PDE10A: variants seen among roughly 807,000 people sequenced by gnomAD.
The protein encoded by PDE10A is phosphodiesterase 10A, also known as cAMP and cAMP-inhibited cGMP 3',5'-cyclic phosphodiesterase 10A.
In PDE10A, 39 loss-of-function variants were observed where a neutral mutation model predicts 97.7. The ratio of observed to expected loss-of-function variants is 0.40; its 90% CI spans 0.31 to 0.52. The LOEUF (loss-of-function observed/expected upper bound fraction) is 0.52, where lower values mean the gene tolerates loss of function less well. Ranked by LOEUF, PDE10A falls within the 20% of genes least tolerant of loss-of-function variation. The pLI is 0.56. For synonymous variants in PDE10A, 371 were observed against 376.8 expected (o/e 0.98, Z 0.18); for missense variants, 731 against 1,047.8 (o/e 0.70, Z 4.17).
At chr6:165,544,198 C>T (rs550642915) in intron 1 of PDE10A, among the ~76,000 whole-genome samples, 1 of 152,122 alleles carries the variant, frequency 6.6e-6, no homozygotes, top group Admixed American at 6.5e-5. Flanking sequence ...TATTGCCTTA[C>T]AACACAAATC....
intron 1 of PDE10A, among the ~76,000 whole-genome samples, chr6:165,904,001 C>A (rs979014942): frequency 5.9e-5 from 9 of 152,056 alleles, no homozygotes; most frequent in Admixed American, 5.2e-4. Context: ...TGCAATGGGC[C>A]AAGGAGAGAA....
In PDE10A at chr6:165,329,835, T is replaced by A. The variant is rs908614258; in HGVS notation, c.*3190A>T. 1 of 152,198 alleles carries A rather than the reference T, an allele frequency of 6.6e-6. No individual in the cohort carries two copies. The highest frequency in any genetic ancestry group is 1.5e-5 in the Non-Finnish European group (1 of 68,036). 9.4% of individuals were successfully genotyped at this position (152,198 alleles called of 1,614,324 possible). A position where few individuals can be genotyped will look rare whatever the true frequency, so the allele number is the denominator to read the frequency against. ...TTGAAGAGTCAGGAATGGGAACGAT[T>A]GTGTCTAATATTTTGGTCTCTTTTG... On this transcript the variant is annotated 3_prime_UTR_variant, in exon 22 of 22. Transcript: ENST00000539869.
chr6:165,423,643 G>A (rs1230130912), intron 10 of PDE10A, among the ~76,000 whole-genome samples: 1 of 152,122 alleles, frequency 6.6e-6, no homozygotes, highest in Admixed American at 6.5e-5. Flanking sequence ...TGAGGTGGGT[G>A]GATCACGAGG....
chr6:165,364,432 C>T (rs757851486), intron 18 of PDE10A, among the ~76,000 whole-genome samples: 45 of 152,252 alleles, frequency 3.0e-4, no homozygotes, highest in Non-Finnish European at 5.1e-4. Context: ...AATACTCATA[C>T]CCCAAATATG....
At position 165,975,175 on chromosome 6, in the gene PDE10A, G is replaced by A. The variant is rs552734927; in HGVS notation, c.-615+12354C>T. Among the ~76,000 whole-genome samples the A allele has an allele frequency of 3.9e-5, 6 of 152,288 alleles. 1 individual carries two copies. The highest frequency in any genetic ancestry group is 9.6e-5 in the African/African-American group (4 of 41,570). On this transcript the variant is annotated intron_variant, in intron 1 of 19. Transcript: ENST00000366882. Reference sequence around the variant, plus strand: ...TTTCACTTAAGTTTATTCTCTTTGCGTGTTGCCACTTGCAACTGAGACTGA... The same window carrying A: ...TTTCACTTAAGTTTATTCTCTTTGCATGTTGCCACTTGCAACTGAGACTGA...
intron 2 of PDE10A, among the ~76,000 whole-genome samples, chr6:165,486,031 G>A (rs1324533465): frequency 6.6e-6 from 1 of 152,206 alleles, no homozygotes; most frequent in Non-Finnish European, 1.5e-5. Context: ...AAGGTGGCAG[G>A]TGTTCCTCTT....
intron 1 of PDE10A, among the ~76,000 whole-genome samples, chr6:165,630,041 C>G (rs887916449): frequency 6.6e-6 from 1 of 152,048 alleles, no homozygotes; most frequent in Non-Finnish European, 1.5e-5. Context: ...AAAATCTCAT[C>G]CACAATTAGA....
intron 1 of PDE10A, among the ~76,000 whole-genome samples, chr6:165,628,585 T>C (rs1788492306): frequency 6.9e-6 from 1 of 145,652 alleles, no homozygotes; most frequent in Non-Finnish European, 1.5e-5. Flanking sequence ...CTCAAGTGAT[T>C]CTCTTGCCTC....
chr6:165,530,143 A>G (rs1227400189), intron 2 of PDE10A, among the ~76,000 whole-genome samples: 1 of 152,070 alleles, frequency 6.6e-6, no homozygotes, highest in South Asian at 2.1e-4. Context: ...GCCCTGGAAC[A>G]TGGGACTCCA....
chr6:165,931,365 C>A (rs1403217399), intron 1 of PDE10A, among the ~76,000 whole-genome samples: 1 of 152,222 alleles, frequency 6.6e-6, no homozygotes, highest in Non-Finnish European at 1.5e-5. Flanking sequence ...AGGTGTTCAA[C>A]ACGTATTTAT....
chr6:165,805,166 G>A (rs769962285), intron 1 of PDE10A, among the ~76,000 whole-genome samples: 3 of 151,986 alleles, frequency 2.0e-5, no homozygotes, highest in African/African-American at 7.2e-5. Context: ...GCGGCGGGGC[G>A]TGGGACGCGC....
intron 2 of PDE10A, among the ~76,000 whole-genome samples, chr6:165,521,632 C>T (rs577800025): frequency 6.6e-6 from 1 of 152,262 alleles, no homozygotes; most frequent in South Asian, 2.1e-4. Flanking sequence ...TGGTCCCTCA[C>T]GTCAAAGCCT....
chr6:165,766,231 C>G (rs1160514712), intron 1 of PDE10A, among the ~76,000 whole-genome samples: 1 of 152,190 alleles, frequency 6.6e-6, no homozygotes, highest in Non-Finnish European at 1.5e-5. Context: ...TTTCTAGCTG[C>G]TTTTGCACAT....
chr6:165,939,695 T>G (rs1428268492), intron 1 of PDE10A: 3 of 152,232 alleles, frequency 2.0e-5, no homozygotes, highest in Non-Finnish European at 2.9e-5. Flanking sequence ...GTGGATTCCA[T>G]TGTCCTCAGA....
At chr6:165,474,192 C>T (rs886588481) in intron 3 of PDE10A, among the ~76,000 whole-genome samples, 3 of 152,174 alleles carry the variant, frequency 2.0e-5, no homozygotes, top group African/African-American at 7.2e-5. Flanking sequence ...CACCCTAGGT[C>T]TTCTGCAGCC....
At chr6:165,407,448 A>G (rs1411636116) in intron 13 of PDE10A, among the ~76,000 whole-genome samples, 1 of 152,232 alleles carries the variant, frequency 6.6e-6, no homozygotes, top group Non-Finnish European at 1.5e-5. Flanking sequence ...AGAACATACA[A>G]AAAGAGATTT....
intron 5 of PDE10A, among the ~76,000 whole-genome samples, chr6:165,438,411 C>T (rs977380054): frequency 6.6e-6 from 1 of 152,224 alleles, no homozygotes. Flanking sequence ...TGGTCTCGGA[C>T]TCCCGACCTC....
At chr6:165,664,853 C>A (rs768398173), upstream of PDE10A, among the ~76,000 whole-genome samples, 3 of 152,186 alleles carry the variant, frequency 2.0e-5, no homozygotes, top group Non-Finnish European at 4.4e-5. Context: ...ATTTAAGTTT[C>A]TTTATTTGCA....
Position 165,390,651 on chromosome 6 carries a change from G to T in PDE10A, c.2454+1995C>A, listed in dbSNP as rs147427364. 1.2e-4 allele frequency among the ~76,000 whole-genome samples: 18 copies of T among 152,274 alleles called. No homozygotes were observed. The East Asian group carries it at 3.3e-3, about 28-fold the overall frequency. The stretch of plus-strand genomic sequence containing the variant: ...ATAAAGCAGAAGGGTCAGCTCTGGA[G>T]AGGAGTGTGAAGGTTTAAGGAAGTG... On this transcript the variant is annotated intron_variant, in intron 16 of 21. Coordinates refer to ENST00000539869, the MANE Select transcript of PDE10A (RefSeq NM_001385079.1).
Sources: gnomAD v4.1 joint callset for allele counts (sites outside exome capture counted in the v4.1 genomes callset) on GRCh38, gnomAD v4.1.1 for gene constraint, MANE v1.5 for transcripts, NCBI Gene and HGNC (gene_info 2026-07-23, HGNC 2026-07-21) for gene names.